Variants in CLMN observed in about 807,000 individuals in gnomAD.
CLMN encodes calmin, also known as calmin (calponin-like, transmembrane).
A neutral mutation model predicts 92.7 loss-of-function variants in CLMN; 57 were observed. That is an observed-to-expected ratio of 0.61 (90% CI 0.50 to 0.77). The LOEUF (loss-of-function observed/expected upper bound fraction) is 0.77, where lower values mean the gene tolerates loss of function less well. Ranked by LOEUF, CLMN falls within the 30% of genes least tolerant of loss-of-function variation. The probability of loss-of-function intolerance (pLI) is 0.00; values close to 1 mark genes in which losing one functional copy is unlikely to be tolerated. For synonymous variants in CLMN, 466 were observed against 470.6 expected (o/e 0.99, Z 0.13); for missense variants, 1,158 against 1,237.5 (o/e 0.94, Z 0.96).
chr14:95,284,633 GC>G (rs997085220), intron 1 of CLMN, among the ~76,000 whole-genome samples: 27 of 152,162 alleles, frequency 1.8e-4, no homozygotes, highest in African/African-American at 6.3e-4. Flanking sequence ...AAATTTTGGT[GC>G]CCCCCACCCC....
At position 95,215,643 on chromosome 14, in the gene CLMN, G is replaced by T; in HGVS notation, c.415C>A (p.Gln139Lys). The change falls in exon 5 of 13, where the codon CAG (glutamine) becomes AAG (lysine). Residue 139 changes from glutamine (Q) to lysine (K), a missense_variant and splice_region_variant. Physicochemically the swap from Gln to Lys is moderately conservative, Grantham distance 53. Transcript: ENST00000298912. ...TTTTGGAAAAGAAATGATCTTACCT[G>T]GAAGAAGAGGATTATGTTCCATATC... ...GLIWNIILFF[Q>K]IKELTGNLSR... is the part of the protein sequence containing the mutation. 1 of 1,612,594 alleles carries T rather than the reference G, an allele frequency of 6.2e-7. No individual in the cohort carries two copies. Among genetic ancestry groups the T allele is most frequent in the Non-Finnish European group, 8.5e-7 (1 of 1,178,572 alleles).
chr14:95,208,543 A>C (rs1163832619), intron 8 of CLMN, among the ~76,000 whole-genome samples: 1 of 152,248 alleles, frequency 6.6e-6, no homozygotes, highest in Non-Finnish European at 1.5e-5. Flanking sequence ...TCCATCTGAC[A>C]TGTAAAAAAT....
rs1162668502 is a variant in CLMN at position 95,188,803 on chromosome 14, C to T, written c.*2761G>A. ...GAATGGCATCAGAAATCTCAACCAG[C>T]ACGCTTGGGAGGGGCTAGGGGAGGG... On this transcript the variant is annotated 3_prime_UTR_variant, in exon 13 of 13. Coordinates refer to ENST00000298912, the MANE Select transcript of CLMN (RefSeq NM_024734.4). 1.3e-5 allele frequency: 2 copies of T among 152,006 alleles called. No individual in the cohort carries two copies. Among genetic ancestry groups the T allele is most frequent in the Non-Finnish European group, 2.9e-5 (2 of 68,022 alleles). The allele number at this position is 152,006 out of a possible 1,614,324, so 9.4% of individuals were successfully genotyped here. A position where few individuals can be genotyped will look rare whatever the true frequency, so the allele number is the denominator to read the frequency against.
At chr14:95,217,559 C>T (rs769872155) in intron 4 of CLMN, among the ~76,000 whole-genome samples, 1 of 152,236 alleles carries the variant, frequency 6.6e-6, no homozygotes, top group Non-Finnish European at 1.5e-5. Flanking sequence ...GTACTATCTC[C>T]GCATTCATCA....
rs541744017 is a variant in CLMN, at chr14:95,291,282, G to A, written c.82+28429C>T. Among the ~76,000 whole-genome samples, 21 of 152,334 alleles carry A rather than the reference G, an allele frequency of 1.4e-4. No homozygotes were observed. In the South Asian group the frequency reaches 4.3e-3, roughly 32 times the overall value. On this transcript the variant is annotated intron_variant, in intron 1 of 12. Coordinates refer to ENST00000298912, the MANE Select transcript of CLMN (RefSeq NM_024734.4). ...AGGAAACCACCTGTTGCAGGCGCCT[G>A]TGAAATGGGAGCCAGGCAGCCTAGC...
At chr14:95,197,597 C>T (rs1459009228) in intron 9 of CLMN, among the ~76,000 whole-genome samples, 1 of 152,020 alleles carries the variant, frequency 6.6e-6, no homozygotes, top group East Asian at 1.9e-4. Flanking sequence ...AGGATGCCAT[C>T]TTCACTGTGC....
intron 9 of CLMN, among the ~76,000 whole-genome samples, chr14:95,200,757 T>C (rs1896855623): frequency 6.6e-6 from 1 of 152,142 alleles, no homozygotes; most frequent in African/African-American, 2.4e-5. Flanking sequence ...GCATGTCCCC[T>C]TATGCTATTT....
intron 1 of CLMN, among the ~76,000 whole-genome samples, chr14:95,279,385 G>T (rs1900056649): frequency 6.6e-6 from 1 of 152,150 alleles, no homozygotes; most frequent in South Asian, 2.1e-4. Context: ...TCTAGATAAG[G>T]CCTGGGACAT....
intron 2 of CLMN, among the ~76,000 whole-genome samples, chr14:95,225,877 T>C (rs1303774057): frequency 6.6e-6 from 1 of 152,232 alleles, no homozygotes; most frequent in Non-Finnish European, 1.5e-5. Context: ...CTGACACTGT[T>C]TGGTTCCACA....
chr14:95,241,962 C>A (rs139934870), intron 1 of CLMN, among the ~76,000 whole-genome samples: 1 of 152,244 alleles, frequency 6.6e-6, no homozygotes, highest in East Asian at 1.9e-4. Context: ...ACAAGGTCTC[C>A]CTAATGCCAC....
chr14:95,260,114 A>C (rs145255751), intron 1 of CLMN, among the ~76,000 whole-genome samples: 263 of 152,306 alleles, frequency 1.7e-3, no homozygotes, highest in Non-Finnish European at 2.9e-3. Context: ...TCATTCATTC[A>C]TTCATTCTGT....
At chr14:95,217,894 C>A (rs1239950745) in intron 4 of CLMN, among the ~76,000 whole-genome samples, 1 of 152,244 alleles carries the variant, frequency 6.6e-6, no homozygotes, top group Non-Finnish European at 1.5e-5. Context: ...TCCTGAGGTG[C>A]CCAGTTCCCT....
chr14:95,239,901 T>C (rs912814150), intron 1 of CLMN, among the ~76,000 whole-genome samples: 4 of 152,272 alleles, frequency 2.6e-5, no homozygotes, highest in Non-Finnish European at 4.4e-5. Context: ...GGGATTATAA[T>C]GGAGCTGTCT....
At chr14:95,244,968 T>A (rs1423811621) in intron 1 of CLMN, among the ~76,000 whole-genome samples, 1 of 125,936 alleles carries the variant, frequency 7.9e-6, no homozygotes, top group Admixed American at 9.1e-5. Flanking sequence ...ACCTTTAGCA[T>A]ATATACACAT....
At chr14:95,303,564 G>A (rs1295864435) in intron 1 of CLMN, among the ~76,000 whole-genome samples, 1 of 152,216 alleles carries the variant, frequency 6.6e-6, no homozygotes, top group African/African-American at 2.4e-5. Flanking sequence ...AACCACGGAT[G>A]AACCAAAGTG....
intron 1 of CLMN, among the ~76,000 whole-genome samples, chr14:95,260,986 TTCTG>T (rs1043469828): frequency 6.6e-6 from 1 of 152,138 alleles, no homozygotes; most frequent in Non-Finnish European, 1.5e-5. Context: ...TCATGTGTGT[TTCTG>T]TCTAAGGAGA....
chr14:95,218,651 T>C (rs912210914), intron 4 of CLMN, among the ~76,000 whole-genome samples: 13 of 152,318 alleles, frequency 8.5e-5, no homozygotes, highest in African/African-American at 2.9e-4. Context: ...GGACAGAGTC[T>C]GCATCTGAAA....
intron 1 of CLMN, among the ~76,000 whole-genome samples, chr14:95,279,021 A>T (rs1363946709): frequency 6.6e-6 from 1 of 152,218 alleles, no homozygotes; most frequent in Non-Finnish European, 1.5e-5. Context: ...CTGGCAAATG[A>T]AAAATCTTAC....
intron 1 of CLMN, among the ~76,000 whole-genome samples, chr14:95,263,216 C>T (rs1899328665): frequency 2.0e-5 from 3 of 152,164 alleles, no homozygotes; most frequent in South Asian, 2.1e-4. Context: ...GAAGCAAATA[C>T]GTCCTCTTCA....
Sources: allele counts gnomAD v4.1 joint callset (sites outside exome capture counted in the v4.1 genomes callset), GRCh38; gene constraint gnomAD v4.1.1; transcripts MANE v1.5; gene names NCBI Gene and HGNC (gene_info 2026-07-23, HGNC 2026-07-21).